The following LDB2 variants were observed in gnomAD, a reference collection of about 807,000 sequenced individuals.
LDB2 encodes LIM domain-binding protein 2.
LDB2 carries 12 observed loss-of-function variants against 44.3 expected under a neutral mutation model. That is an observed-to-expected ratio of 0.27 (90% CI 0.17 to 0.44). The LOEUF (loss-of-function observed/expected upper bound fraction) is 0.44. Ranked by LOEUF, LDB2 falls within the 20% of genes least tolerant of loss-of-function variation. The pLI is 1.00. For missense variants in LDB2, 344 were observed against 473.5 expected (o/e 0.73, Z 2.54); for synonymous variants, 164 against 174.8 (o/e 0.94, Z 0.49).
chr4:16,682,079 T>C (rs554751605), intron 2 of LDB2, among the ~76,000 whole-genome samples: 1 of 152,316 alleles, frequency 6.6e-6, no homozygotes, highest in African/African-American at 2.4e-5. Flanking sequence ...ATTTGAACAT[T>C]GCTCATCATC....
At chr4:16,696,417 G>T (rs959642198) in intron 2 of LDB2, among the ~76,000 whole-genome samples, 1 of 152,180 alleles carries the variant, frequency 6.6e-6, no homozygotes, top group Admixed American at 6.5e-5. Context: ...AATCCAAGTT[G>T]CCATTTACAT....
intron 5 of LDB2, among the ~76,000 whole-genome samples, chr4:16,556,546 C>T (rs1264569355): frequency 1.3e-5 from 2 of 152,178 alleles, no homozygotes; most frequent in African/African-American, 2.4e-5. Context: ...TTTTCTCCAT[C>T]TTAAAACCAC....
At chr4:16,636,551 C>A (rs1037455352) in intron 2 of LDB2, among the ~76,000 whole-genome samples, 1 of 152,162 alleles carries the variant, frequency 6.6e-6, no homozygotes, top group African/African-American at 2.4e-5. Context: ...CATTTACCTG[C>A]AGAGCCTTCA....
intron 1 of LDB2, among the ~76,000 whole-genome samples, chr4:16,831,174 CTTTTT>C (rs370309653): frequency 7.9e-6 from 1 of 126,750 alleles, no homozygotes; most frequent in Non-Finnish European, 1.6e-5. Flanking sequence ...CCTCTCTGAG[CTTTTT>C]TTTTTTTTTT....
chr4:16,766,468 A>ATG (rs1218763626), intron 1 of LDB2, among the ~76,000 whole-genome samples: 2,422 of 41,162 alleles, frequency 0.059, 81 homozygotes, highest in East Asian at 0.19. Context: ...ACACACATAT[A>ATG]TGTGTGTGTG....
chr4:16,789,766 C>A (rs1775291187), intron 1 of LDB2, among the ~76,000 whole-genome samples: 3 of 152,128 alleles, frequency 2.0e-5, no homozygotes, highest in Admixed American at 2.0e-4. Flanking sequence ...CCCATCTGTA[C>A]TAAAAAATAC....
intron 2 of LDB2, among the ~76,000 whole-genome samples, chr4:16,652,698 C>T (rs1363408671): frequency 6.6e-6 from 1 of 152,188 alleles, no homozygotes; most frequent in African/African-American, 2.4e-5. Flanking sequence ...TTAATAAAGT[C>T]ATCTCCAAAA....
At chr4:16,616,151 G>A (rs1487404002) in intron 2 of LDB2, among the ~76,000 whole-genome samples, 1 of 152,050 alleles carries the variant, frequency 6.6e-6, no homozygotes, top group East Asian at 1.9e-4. Flanking sequence ...AAGAATACAA[G>A]CTCCAGAAAG....
At position 16,631,143 on chromosome 4, in the gene LDB2, A is replaced by G. The variant is rs1467430105; in HGVS notation, c.236-35268T>C. Among the ~76,000 whole-genome samples, 3 of 152,210 alleles carry G rather than the reference A, an allele frequency of 2.0e-5. No homozygotes were observed. In the East Asian group the frequency reaches 5.8e-4, roughly 29 times the overall value. Reference sequence around the variant, plus strand: ...CAACAGAATACACATTATTCTCAGCACCACATCACACTTATTCTAAAATTG... The same window carrying G: ...CAACAGAATACACATTATTCTCAGCGCCACATCACACTTATTCTAAAATTG... On this transcript the variant is annotated intron_variant, in intron 2 of 7. Coordinates refer to ENST00000304523, the MANE Select transcript of LDB2 (RefSeq NM_001290.5).
chr4:16,774,054 C>T (rs1465547561), intron 1 of LDB2, among the ~76,000 whole-genome samples: 3 of 145,680 alleles, frequency 2.1e-5, no homozygotes, highest in Admixed American at 1.4e-4. Context: ...ACTCGGGGGG[C>T]TGAGGCAGGA....
At position 16,585,944 on chromosome 4, in the gene LDB2, T is replaced by G. The variant is rs760679611; in HGVS notation, c.593A>C (p.Asn198Thr). 6.2e-7 allele frequency: 1 copy of G among 1,613,614 alleles called. No homozygotes were observed. Among genetic ancestry groups the G allele is most frequent in the South Asian group, 1.1e-5 (1 of 91,066 alleles). ...SKNITRMGLTNFTLNYLRLCV... is the reference protein window; with the variant it reads ...SKNITRMGLTTFTLNYLRLCV... Reference sequence around the variant, plus strand: ...TACCCTGAGGTAGTTGAGGGTGAAGTTTGTTAGCCCCATCCTGGTGATGTT... The same window carrying G: ...TACCCTGAGGTAGTTGAGGGTGAAGGTTGTTAGCCCCATCCTGGTGATGTT... Residue 198 changes from asparagine to threonine, a missense_variant, in exon 5 of 8, where the codon AAC becomes ACC. Transcript: ENST00000304523.
chr4:16,773,220 C>A (rs964625843), intron 1 of LDB2, among the ~76,000 whole-genome samples: 1 of 152,180 alleles, frequency 6.6e-6, no homozygotes, highest in South Asian at 2.1e-4. Context: ...CAGTCCCCAA[C>A]CTTTTTGGCA....
At position 16,856,197 on chromosome 4, in the gene LDB2, C is replaced by T. The variant is rs183469019; in HGVS notation, c.132+42157G>A. ...GACTTGCAAACCTTTGAAACAATGC[C>T]GAAACAAAACTTTGGAGTGCTCAAA... is the stretch of plus-strand genomic sequence containing the variant. On this transcript the variant is annotated intron_variant, in intron 1 of 7. Coordinates refer to ENST00000304523, the MANE Select transcript of LDB2 (RefSeq NM_001290.5). 1.7e-4 allele frequency among the ~76,000 whole-genome samples: 26 copies of T among 152,034 alleles called. No homozygotes were observed. In the East Asian group the frequency reaches 2.9e-3, roughly 17 times the overall value.
chr4:16,529,011 G>C (rs780074995), intron 5 of LDB2, among the ~76,000 whole-genome samples: 6 of 152,096 alleles, frequency 3.9e-5, no homozygotes, highest in Non-Finnish European at 8.8e-5. Context: ...GAGAAAAAAT[G>C]ATGACTATAA....
chr4:16,700,543 T>C (rs1431269458), intron 2 of LDB2, among the ~76,000 whole-genome samples: 3 of 152,228 alleles, frequency 2.0e-5, no homozygotes, highest in Non-Finnish European at 4.4e-5. Context: ...TTTTATGTTA[T>C]ATTTATTCTG....
chr4:16,707,544 G>A (rs1754876266), intron 2 of LDB2, among the ~76,000 whole-genome samples: 1 of 152,114 alleles, frequency 6.6e-6, no homozygotes. Flanking sequence ...AGGGTTAATT[G>A]TTGCAGTTTA....
At position 16,546,860 on chromosome 4, in the gene LDB2, G is replaced by A. The variant is rs558268665; in HGVS notation, c.616-34756C>T. Among the ~76,000 whole-genome samples, 4 of 152,196 alleles carry A rather than the reference G, an allele frequency of 2.6e-5. No homozygotes were observed. In the South Asian group the frequency reaches 8.3e-4, roughly 32 times the overall value. ...AGCTGCTTATTGGCCTCCTCCCAGG[G>A]TTCTTTAGCTGTCTCTCCCCCAGTG... is the stretch of plus-strand genomic sequence containing the variant. On this transcript the variant is annotated intron_variant, in intron 5 of 7. Transcript: ENST00000304523.
At chr4:16,694,685 T>C (rs1018891480) in intron 2 of LDB2, among the ~76,000 whole-genome samples, 2 of 152,292 alleles carry the variant, frequency 1.3e-5, no homozygotes, top group South Asian at 2.1e-4. Flanking sequence ...AATCCATTCG[T>C]TGTTATTCAT....
At chr4:16,566,859 GAAAAT>G (rs1744709632) in intron 5 of LDB2, among the ~76,000 whole-genome samples, 1 of 152,052 alleles carries the variant, frequency 6.6e-6, no homozygotes, top group Non-Finnish European at 1.5e-5. Context: ...TCACAAGAAA[GAAAAT>G]AAAGTGGCTC....
Sources: gnomAD v4.1 joint callset for allele counts (sites outside exome capture counted in the v4.1 genomes callset) on GRCh38, gnomAD v4.1.1 for gene constraint, MANE v1.5 for transcripts, NCBI Gene and HGNC (gene_info 2026-07-23, HGNC 2026-07-21) for gene names.